Variants in DOT1L observed in about 807,000 individuals in gnomAD.
The protein encoded by DOT1L is histone-lysine N-methyltransferase, H3 lysine-79 specific.
Under a neutral mutation model 153.3 loss-of-function variants are expected in DOT1L, and 33 were observed. That is an observed-to-expected ratio of 0.22 (90% CI 0.16 to 0.29). The LOEUF is 0.29. Ranked by LOEUF, DOT1L falls within the 10% of genes least tolerant of loss-of-function variation. The pLI is 1.00. For missense variants in DOT1L, 1,847 were observed against 2,119.9 expected (o/e 0.87, Z 2.53); for synonymous variants, 1,135 against 965.1 (o/e 1.18, Z -3.26).
chr19:2,188,644 G>A (rs2022655626), intron 3 of DOT1L, among the ~76,000 whole-genome samples: 1 of 152,162 alleles, frequency 6.6e-6, no homozygotes, highest in Admixed American at 6.5e-5. Context: ...TCCCCGGTGA[G>A]AGCCACTGTG....
At chr19:2,202,475 G>A (rs1044163634) in intron 8 of DOT1L, among the ~76,000 whole-genome samples, 2 of 152,174 alleles carry the variant, frequency 1.3e-5, no homozygotes, top group African/African-American at 2.4e-5. Context: ...ACTTGGTCAC[G>A]AATCCTGCCC....
intron 2 of DOT1L, among the ~76,000 whole-genome samples, chr19:2,183,509 G>A (rs923521536): frequency 2.6e-5 from 4 of 152,146 alleles, no homozygotes; most frequent in Non-Finnish European, 5.9e-5. Context: ...TTGAGAATCA[G>A]CCTTTCCATT....
At chr19:2,228,987 G>A (rs1441828583) in intron 27 of DOT1L, 3 of 985,296 alleles carry the variant, frequency 3.0e-6, no homozygotes, top group Non-Finnish European at 3.6e-6. Flanking sequence ...CAAGCTCTGT[G>A]CCCTGCGTGT....
intron 16 of DOT1L, chr19:2,212,995 A>G (rs182444550): frequency 6.6e-6 from 1 of 152,218 alleles, no homozygotes; most frequent in Admixed American, 6.6e-5. Context: ...CTTTGCTTTT[A>G]AAAAAAAGCT....
Position 2,204,525 on chromosome 19 carries a change from AC to A in DOT1L, c.787+1751del, listed in dbSNP as rs1464670638. 1.3e-5 allele frequency among the ~76,000 whole-genome samples: 2 copies of A among 150,844 alleles called. No individual in the cohort carries two copies. The highest frequency in any genetic ancestry group is 4.9e-5 in the African/African-American group (2 of 40,922). ...GCAGTGGCTTCAGGCAGCTCCTGTC[AC>A]CCCCTCCATGGTCCTCGTACCCGCT... is the stretch of plus-strand genomic sequence containing the variant. On this transcript the variant is annotated intron_variant, in intron 9 of 27. Transcript: ENST00000398665. The surrounding 1 kb of genome is among the most constrained non-coding windows in gnomAD (Gnocchi z 5.7).
rs113111011 is a variant in DOT1L at position 2,191,288 on chromosome 19, C to A, written c.493+48C>A. The A allele has an allele frequency of 4.9e-5, 77 of 1,559,658 alleles. No homozygotes were observed. The highest frequency in any genetic ancestry group is 1.7e-4 in the Middle Eastern group (1 of 5,994). ...GGCTCCTGTGCACTTCCAGGCCACA[C>A]GCTCTGTGCCTGCCCCATGCCTGCT... On this transcript the variant is annotated intron_variant, in intron 5 of 27. Transcript: ENST00000398665. This position sits in a 1 kb window ranked among gnomAD's most constrained non-coding sequence, Gnocchi z 6.8.
At chr19:2,185,095 G>A (rs949079261) in intron 2 of DOT1L, among the ~76,000 whole-genome samples, 11 of 152,246 alleles carry the variant, frequency 7.2e-5, no homozygotes, top group Middle Eastern at 3.4e-3. Context: ...TAGTAGAGAC[G>A]GGGTTTCTCC....
rs150840185 is a variant in DOT1L, at chr19:2,191,930, A to G, written c.493+690A>G. Among the ~76,000 whole-genome samples the G allele has an allele frequency of 1.3e-5, 2 of 152,314 alleles. No individual in the cohort carries two copies. Among genetic ancestry groups the G allele is most frequent in the East Asian group, 1.9e-4 (1 of 5,170 alleles). On this transcript the variant is annotated intron_variant, in intron 5 of 27. Transcript: ENST00000398665. This position sits in a 1 kb window ranked among gnomAD's most constrained non-coding sequence, Gnocchi z 6.8. The stretch of plus-strand genomic sequence containing the variant: ...TTCAGCAGCAGCGTGGCCTGGCTGA[A>G]GCACAGATGAGCGGCCCGTACACGA...
At chr19:2,202,421 G>A (rs1406634481) in intron 8 of DOT1L, among the ~76,000 whole-genome samples, 3 of 152,230 alleles carry the variant, frequency 2.0e-5, no homozygotes, top group Admixed American at 2.0e-4. Context: ...TGGGCTGCTT[G>A]TGAACCTTCC....
chr19:2,227,769 G>C (rs868750489), intron 27 of DOT1L: 2 of 1,319,900 alleles, frequency 1.5e-6, no homozygotes, highest in African/African-American at 3.0e-5. Flanking sequence ...CTCCGCCTCT[G>C]CTCATCCGTT....
In DOT1L at chr19:2,191,451, C is replaced by G; in HGVS notation, c.493+211C>G. 4 of 599,292 alleles carry G rather than the reference C, an allele frequency of 6.7e-6. No individual in the cohort carries two copies. The highest frequency in any genetic ancestry group is 5.9e-5 in the South Asian group (3 of 50,694). 37.1% of individuals were successfully genotyped at this position (599,292 alleles called of 1,614,324 possible). Reference sequence around the variant, plus strand: ...CCCAGAGGGGAGAAATCGCAGGAACCCAGTGGCTCCCAGACCAGGCCCATC... The same window carrying G: ...CCCAGAGGGGAGAAATCGCAGGAACGCAGTGGCTCCCAGACCAGGCCCATC... On this transcript the variant is annotated intron_variant, in intron 5 of 27. Transcript: ENST00000398665. This position sits in a 1 kb window ranked among gnomAD's most constrained non-coding sequence, Gnocchi z 6.8.
rs557861979 is a variant in DOT1L, at chr19:2,197,614, C to T, written c.652-2270C>T. ...CATGGTGTCTAGTGTGGCACAGGTG[C>T]TCCTGGCATGGAGCTGCGTTCGTGG... On this transcript the variant is annotated intron_variant, in intron 7 of 27. Transcript: ENST00000398665. This position sits in a 1 kb window ranked among gnomAD's most constrained non-coding sequence, Gnocchi z 4.1. Among the ~76,000 whole-genome samples the T allele has an allele frequency of 2.6e-5, 4 of 152,188 alleles. No individual in the cohort carries two copies. The East Asian group carries it at 7.7e-4, about 29-fold the overall frequency.
chr19:2,185,080 AT>A (rs1376966777), intron 2 of DOT1L, among the ~76,000 whole-genome samples: 1 of 152,034 alleles, frequency 6.6e-6, no homozygotes, highest in Non-Finnish European at 1.5e-5. Flanking sequence ...TGTATTTTGT[AT>A]TTTTAGTAGA....
intron 1 of DOT1L, among the ~76,000 whole-genome samples, chr19:2,169,356 A>C (rs1057493231): frequency 1.3e-5 from 2 of 152,186 alleles, no homozygotes; most frequent in Admixed American, 1.3e-4. Flanking sequence ...AAGGAATAAT[A>C]GAAAAAACCC....
Position 2,210,487 on chromosome 19 carries a change from G to C in DOT1L, c.1093G>C (p.Ala365Pro), listed in dbSNP as rs1466950976. 1 of 1,592,256 alleles carries C rather than the reference G, an allele frequency of 6.3e-7. No individual in the cohort carries two copies. Among genetic ancestry groups the C allele is most frequent in the Admixed American group, 1.7e-5 (1 of 57,598 alleles). Residue 365 changes from alanine to proline, a missense_variant, in exon 13 of 28, where the codon GCC becomes CCC. By Grantham distance (27) the Ala-to-Pro change is conservative. Around this residue, in one of 8 missense-constraint regions of DOT1L, gnomAD observed 205 missense variants for 203.1 expected, o/e 1.01. Coordinates refer to ENST00000398665, the MANE Select transcript of DOT1L (RefSeq NM_032482.3). The part of the protein sequence containing the change: ...TPTKGPEGKV[A>P]GPADAPMDSG... ...CACTAAGGGCCCAGAGGGCAAGGTG[G>C]CCGGCCCCGCCGACGCCCCCATGGT... is the stretch of plus-strand genomic sequence containing the variant.
At chr19:2,172,507 C>CTT (rs879379617) in intron 1 of DOT1L, among the ~76,000 whole-genome samples, 4 of 140,066 alleles carry the variant, frequency 2.9e-5, no homozygotes, top group Non-Finnish European at 4.7e-5. Flanking sequence ...TTCTTTCTTT[C>CTT]TTTTTTTTTT....
chr19:2,173,416 T>A (rs547066947), intron 1 of DOT1L, among the ~76,000 whole-genome samples: 2 of 152,222 alleles, frequency 1.3e-5, no homozygotes, highest in African/African-American at 4.8e-5. Context: ...GAACTCGAGG[T>A]GAGCCGCGGA....
intron 5 of DOT1L, among the ~76,000 whole-genome samples, chr19:2,192,961 T>C (rs1313720029): frequency 6.6e-6 from 1 of 152,190 alleles, no homozygotes; most frequent in African/African-American, 2.4e-5. Flanking sequence ...ACTGGTGTGG[T>C]GGCGGCGGTC....
Position 2,221,916 on chromosome 19 carries a change from A to G in DOT1L, c.2807-60A>G, listed in dbSNP as rs1568366804. The stretch of plus-strand genomic sequence containing the variant: ...AGCTCCTAGGGGGTGGTGCTCCCAC[A>G]GCAAGGCTTTCTCTTTGGCCATCCT... On this transcript the variant is annotated intron_variant, in intron 23 of 27. Transcript: ENST00000398665. The G allele has an allele frequency of 8.0e-6, 12 of 1,491,632 alleles. No individual in the cohort carries two copies. The East Asian group carries it at 2.6e-4, about 33-fold the overall frequency. The allele number at this position is 1,491,632 out of a possible 1,614,324, so 92.4% of individuals were successfully genotyped here. A position where few individuals can be genotyped will look rare whatever the true frequency, so the allele number is the denominator to read the frequency against.
Sources: gnomAD v4.1 joint callset for allele counts (sites outside exome capture counted in the v4.1 genomes callset) on GRCh38, gnomAD v4.1.1 for gene constraint, gnomAD v4.1.1 regional missense constraint, Gnocchi (gnomAD v3.1) non-coding constraint, MANE v1.5 for transcripts, NCBI Gene and HGNC (gene_info 2026-07-23, HGNC 2026-07-21) for gene names.